Variants in ZMYND8 observed in about 807,000 individuals in gnomAD.
ZMYND8 encodes the protein MYND-type zinc finger-containing chromatin reader ZMYND8.
Under a neutral mutation model 140.8 loss-of-function variants are expected in ZMYND8, and 37 were observed. The ratio of observed to expected loss-of-function variants is 0.26; its 90% confidence interval spans 0.20 to 0.35. The LOEUF is 0.35. ZMYND8 is among the 10% of genes least tolerant of loss of function. The pLI, the probability that ZMYND8 is intolerant of heterozygous loss-of-function variation, is 1.00. For missense variants in ZMYND8, 1,068 were observed against 1,570.0 expected (o/e 0.68, Z 5.40); for synonymous variants, 592 against 597.1 (o/e 0.99, Z 0.12).
chr20:47,320,817 CAGA>C (rs1484986407), intron 2 of ZMYND8: 1 of 152,148 alleles, frequency 6.6e-6, no homozygotes, highest in Non-Finnish European at 1.5e-5. Context: ...CATGGGTGCA[CAGA>C]AGGATAGACG....
At chr20:47,304,686 A>G (rs2078343147) in intron 3 of ZMYND8, among the ~76,000 whole-genome samples, 1 of 152,218 alleles carries the variant, frequency 6.6e-6, no homozygotes, top group Admixed American at 6.5e-5. Context: ...TGGTAAAAGC[A>G]TGAATACTGT....
chr20:47,275,986 AC>A (rs1044330824), intron 11 of ZMYND8, among the ~76,000 whole-genome samples: 4 of 152,250 alleles, frequency 2.6e-5, no homozygotes, highest in African/African-American at 9.6e-5. Context: ...ACAGAAAAAT[AC>A]AATTTCAACT....
intron 3 of ZMYND8, among the ~76,000 whole-genome samples, chr20:47,308,840 TG>T (rs2078699267): frequency 6.6e-6 from 1 of 152,178 alleles, no homozygotes; most frequent in African/African-American, 2.4e-5. Context: ...ATTTAACCGT[TG>T]CTAGGTCTCC....
chr20:47,280,458 A>G (rs1056095694), intron 10 of ZMYND8, among the ~76,000 whole-genome samples: 1 of 152,216 alleles, frequency 6.6e-6, no homozygotes, highest in African/African-American at 2.4e-5. Flanking sequence ...AGAGCTGGCC[A>G]ACTCACACGC....
intron 11 of ZMYND8, among the ~76,000 whole-genome samples, chr20:47,268,267 G>T (rs1383885765): frequency 6.6e-6 from 1 of 150,602 alleles, no homozygotes; most frequent in Non-Finnish European, 1.5e-5. Flanking sequence ...GACCAGCCTG[G>T]CCAACATGGT....
chr20:47,342,417 C>A (rs1160902403), intron 2 of ZMYND8, among the ~76,000 whole-genome samples: 4 of 145,556 alleles, frequency 2.7e-5, no homozygotes, highest in Admixed American at 1.4e-4. Flanking sequence ...CGTGGTGGTG[C>A]GCTCCTGCAA....
In ZMYND8 at chr20:47,282,737, C is replaced by A. The variant is rs866618199; in HGVS notation, c.883-520G>T. ...AAACTCCATCTCAAAAAAAAAAAAA[C>A]AAAAAAAAGAAAGATGAGAAAACCA... On this transcript the variant is annotated intron_variant, in intron 9 of 22. Coordinates refer to ENST00000471951, the MANE Select transcript of ZMYND8 (RefSeq NM_001281775.3). Among the ~76,000 whole-genome samples, 703 of 137,264 alleles carry A rather than the reference C, an allele frequency of 5.1e-3. 8 individuals carry two copies. The highest frequency in any genetic ancestry group is 0.018 in the African/African-American group (638 of 36,232). The allele number at this position is 137,264 out of a possible 152,430, so 90.1% of individuals were successfully genotyped here. A position where few individuals can be genotyped will look rare whatever the true frequency, so the allele number is the denominator to read the frequency against.
intron 4 of ZMYND8, among the ~76,000 whole-genome samples, chr20:47,297,908 G>T (rs191417370): frequency 7.2e-4 from 109 of 152,292 alleles, no homozygotes; most frequent in Non-Finnish European, 8.7e-4. Context: ...CTACACAGGA[G>T]GCATACACAC....
At chr20:47,249,053 C>A (rs982460716) in intron 13 of ZMYND8, among the ~76,000 whole-genome samples, 14 of 152,162 alleles carry the variant, frequency 9.2e-5, no homozygotes, top group Non-Finnish European at 1.3e-4. Context: ...TCTCGAGTTT[C>A]CAGACTGCTT....
intron 1 of ZMYND8, among the ~76,000 whole-genome samples, chr20:47,350,532 C>CA (rs1172593837): frequency 6.6e-6 from 1 of 151,126 alleles, no homozygotes; most frequent in Non-Finnish European, 1.5e-5. Flanking sequence ...AATATTACAT[C>CA]AAAAGTAGGC....
intron 2 of ZMYND8, among the ~76,000 whole-genome samples, chr20:47,334,595 G>GAAAA (rs58024466): frequency 0.011 from 1,476 of 139,196 alleles, 33 homozygotes; most frequent in African/African-American, 0.039. Context: ...ACAACTCTGT[G>GAAAA]AAAAAAAAAA....
chr20:47,224,885 A>G (rs1271089734), intron 18 of ZMYND8, among the ~76,000 whole-genome samples: 3 of 150,390 alleles, frequency 2.0e-5, no homozygotes, highest in Non-Finnish European at 4.4e-5. Context: ...CTCACTTTCT[A>G]TCCTATTATT....
chr20:47,301,175 A>G (rs1434643479), intron 3 of ZMYND8, among the ~76,000 whole-genome samples: 1 of 135,296 alleles, frequency 7.4e-6, no homozygotes, highest in Admixed American at 7.8e-5. Flanking sequence ...TTTTTTTGAG[A>G]TGGTGTTCCG....
At chr20:47,327,854 GC>G (rs1351098232) in intron 2 of ZMYND8, among the ~76,000 whole-genome samples, 14 of 152,072 alleles carry the variant, frequency 9.2e-5, no homozygotes, top group Admixed American at 7.2e-4. Flanking sequence ...TTGCTCCGTC[GC>G]CCAGCCTGGA....
At chr20:47,290,556 C>T (rs150823946) in intron 6 of ZMYND8, among the ~76,000 whole-genome samples, 2 of 149,906 alleles carry the variant, frequency 1.3e-5, no homozygotes, top group East Asian at 3.9e-4. Context: ...TAGCTTCTTC[C>T]AATAAACAGG....
chr20:47,236,437 CA>C lies in ZMYND8; in HGVS notation c.2744del (p.Leu915ArgfsTer8). Reference sequence around the variant, plus strand: ...TGCTCATGGACCCCGAGCTGGTGACCAGGGGCGATGACTGTGTGCTGGTCAC... The same window carrying C: ...TGCTCATGGACCCCGAGCTGGTGACCGGGGCGATGACTGTGTGCTGGTCAC... ...TLVTSTQSSP[L>X]VTSSGSMSTL... On this transcript the variant is annotated frameshift_variant, in exon 16 of 23. Coordinates refer to ENST00000471951, the MANE Select transcript of ZMYND8 (RefSeq NM_001281775.3). LOFTEE classifies it high-confidence loss of function. 6.2e-7 allele frequency: 1 copy of C among 1,613,902 alleles called. No individual in the cohort carries two copies. Among genetic ancestry groups the C allele is most frequent in the Non-Finnish European group, 8.5e-7 (1 of 1,179,888 alleles).
chr20:47,337,917 G>T (rs1479949443), intron 2 of ZMYND8, among the ~76,000 whole-genome samples: 1 of 152,072 alleles, frequency 6.6e-6, no homozygotes, highest in Non-Finnish European at 1.5e-5. Flanking sequence ...GGGGAGAGGG[G>T]CGTAAAAATT....
At chr20:47,299,386 G>C (rs1207923404) in intron 3 of ZMYND8, among the ~76,000 whole-genome samples, 2 of 152,152 alleles carry the variant, frequency 1.3e-5, no homozygotes, top group Admixed American at 1.3e-4. Flanking sequence ...GTGATATAAT[G>C]TATGCCTGTT....
At chr20:47,322,376 G>A (rs1160269683) in intron 2 of ZMYND8, among the ~76,000 whole-genome samples, 2 of 151,690 alleles carry the variant, frequency 1.3e-5, no homozygotes, top group African/African-American at 4.8e-5. Context: ...GTGGTTCACA[G>A]CTATTGTTTA....
Sources: gnomAD v4.1 joint callset for allele counts (sites outside exome capture counted in the v4.1 genomes callset) on GRCh38, gnomAD v4.1.1 for gene constraint, MANE v1.5 for transcripts, NCBI Gene and HGNC (gene_info 2026-07-23, HGNC 2026-07-21) for gene names.